The following RGS18 variants were observed in gnomAD, a reference collection of about 807,000 sequenced individuals.
RGS18 encodes the protein regulator of G protein signaling 18.
In RGS18, 22 loss-of-function variants were observed where a neutral mutation model predicts 27.6. The observed-to-expected ratio is 0.80, with a 90% CI of 0.57 to 1.14. RGS18 has a LOEUF of 1.14. Ranked by LOEUF, RGS18 falls within the 50% of genes most tolerant of loss-of-function variation. RGS18 has a pLI of 0.00. For missense variants in RGS18, 299 were observed against 269.6 expected (o/e 1.11, Z -0.76); for synonymous variants, 89 against 84.6 (o/e 1.05, Z -0.29).
rs149951237 is a variant in RGS18 at position 192,173,590 on chromosome 1, G to C, written c.284-7702G>C. Reference sequence around the variant, plus strand: ...TTGGTCCCAGGTATTTTTGGGCGGAGAGAAATGTTTTATTATAAAATCTAT... The same window carrying C: ...TTGGTCCCAGGTATTTTTGGGCGGACAGAAATGTTTTATTATAAAATCTAT... On this transcript the variant is annotated intron_variant, in intron 3 of 4. Coordinates refer to ENST00000367460, the MANE Select transcript of RGS18 (RefSeq NM_130782.3). 2.5e-3 allele frequency among the ~76,000 whole-genome samples: 375 copies of C among 151,944 alleles called. 3 individuals carry two copies. Among genetic ancestry groups the C allele is most frequent in the African/African-American group, 8.8e-3 (366 of 41,530 alleles).
chr1:192,183,586 A>G (rs906390912), intron 4 of RGS18, among the ~76,000 whole-genome samples: 1 of 151,618 alleles, frequency 6.6e-6, no homozygotes, highest in Non-Finnish European at 1.5e-5. Context: ...ATGAAATGCT[A>G]GTCAAGAATA....
intron 3 of RGS18, among the ~76,000 whole-genome samples, chr1:192,181,019 G>A (rs1256950043): frequency 4.0e-5 from 6 of 151,702 alleles, no homozygotes; most frequent in Middle Eastern, 3.4e-3. Context: ...GAGGTCCACC[G>A]TAGGGGGTCC....
At chr1:192,164,851 A>T (rs989193848) in intron 3 of RGS18, among the ~76,000 whole-genome samples, 6 of 152,144 alleles carry the variant, frequency 3.9e-5, no homozygotes, top group Non-Finnish European at 5.9e-5. Context: ...CTGAGGATGT[A>T]TGTTGCCTCA....
intron 1 of RGS18, 123 bp from the exon 2 acceptor site, chr1:192,159,097 T>C: frequency 1.6e-6 from 1 of 641,374 alleles, no homozygotes; most frequent in South Asian, 2.0e-5. Flanking sequence ...TTAAATGGGA[T>C]TCATGAGTGT....
intron 3 of RGS18, among the ~76,000 whole-genome samples, chr1:192,179,810 A>G (rs1171528236): frequency 6.6e-6 from 1 of 151,558 alleles, no homozygotes; most frequent in Non-Finnish European, 1.5e-5. Flanking sequence ...AAAAAATTAC[A>G]TGTGGGGAGA....
At chr1:192,177,708 T>C (rs1656380751) in intron 3 of RGS18, among the ~76,000 whole-genome samples, 1 of 151,732 alleles carries the variant, frequency 6.6e-6, no homozygotes, top group Admixed American at 6.6e-5. Flanking sequence ...ATGGGTTAGA[T>C]TAATAAAATT....
chr1:192,166,638 G>T lies in RGS18; in HGVS notation c.283+6199G>T, dbSNP rs1316108337. Among the ~76,000 whole-genome samples the T allele has an allele frequency of 5.9e-5, 9 of 152,088 alleles. No individual in the cohort carries two copies. The East Asian group carries it at 1.2e-3, about 20-fold the overall frequency. ...AATCAATGTGTATGTATGTTATTGA[G>T]TGAGAAGATGAAGGAATAGGAAACA... On this transcript the variant is annotated intron_variant, in intron 3 of 4. Coordinates refer to ENST00000367460, the MANE Select transcript of RGS18 (RefSeq NM_130782.3).
chr1:192,174,030 A>G (rs370333751), intron 3 of RGS18, among the ~76,000 whole-genome samples: 2 of 150,528 alleles, frequency 1.3e-5, no homozygotes, highest in South Asian at 2.1e-4. Flanking sequence ...TTTTTTTACT[A>G]GACCACCATT....
chr1:192,172,609 A>T (rs1185745546), intron 3 of RGS18, among the ~76,000 whole-genome samples: 1 of 151,622 alleles, frequency 6.6e-6, no homozygotes, highest in Non-Finnish European at 1.5e-5. Flanking sequence ...ATGACCATCT[A>T]CTTCATACTC....
At chr1:192,164,127 A>G (rs1656121306) in intron 3 of RGS18, among the ~76,000 whole-genome samples, 1 of 152,112 alleles carries the variant, frequency 6.6e-6, no homozygotes, top group African/African-American at 2.4e-5. Context: ...TTAATATTAG[A>G]ACCATCATAA....
In RGS18 at chr1:192,184,388, A is replaced by G. The variant is rs1399510218; in HGVS notation, c.542A>G (p.Tyr181Cys). The change falls in exon 5 of 5, where the codon TAT becomes TGT. Residue 181 changes from tyrosine (Y) to cysteine (C), a missense_variant. By Grantham distance (194) the Tyr-to-Cys change is radical. Coordinates refer to ENST00000367460, the MANE Select transcript of RGS18 (RefSeq NM_130782.3). ...TTTGATGCTGCACAAAGCAGAGTGT[A>G]TCAGCTCATGGAACAAGACAGTTAT... is the stretch of plus-strand genomic sequence containing the variant. ...HSFDAAQSRV[Y>C]QLMEQDSYTR... 3.1e-6 allele frequency: 5 copies of G among 1,611,914 alleles called. No homozygotes were observed. Among genetic ancestry groups the G allele is most frequent in the Non-Finnish European group, 4.2e-6 (5 of 1,178,630 alleles).
At chr1:192,179,335 C>T (rs1219453765) in intron 3 of RGS18, among the ~76,000 whole-genome samples, 1 of 151,536 alleles carries the variant, frequency 6.6e-6, no homozygotes, top group African/African-American at 2.4e-5. Flanking sequence ...AAATCCAACT[C>T]AAATGTGATT....
chr1:192,173,144 G>A (rs1656293284), intron 3 of RGS18, among the ~76,000 whole-genome samples: 1 of 151,320 alleles, frequency 6.6e-6, no homozygotes, highest in African/African-American at 2.4e-5. Flanking sequence ...TTTTATATTA[G>A]TAATAGTCAC....
chr1:192,180,630 T>G (rs1283710605), intron 3 of RGS18, among the ~76,000 whole-genome samples: 1 of 151,686 alleles, frequency 6.6e-6, no homozygotes, highest in Non-Finnish European at 1.5e-5. Flanking sequence ...ATGTTTGAAT[T>G]TAAAATTTTC....
intron 3 of RGS18, chr1:192,169,390 T>G (rs1358664927): frequency 2.0e-5 from 3 of 152,186 alleles, no homozygotes; most frequent in African/African-American, 7.2e-5. Flanking sequence ...AAAACATACT[T>G]TCTTTCCTCT....
chr1:192,184,771 TC>T lies in RGS18; in HGVS notation c.*218del, dbSNP rs1656517706. 2.3e-6 allele frequency: 1 copy of T among 439,194 alleles called. No homozygotes were observed. Among genetic ancestry groups the T allele is most frequent in the Admixed American group, 3.9e-5 (1 of 25,892 alleles). The allele number at this position is 439,194 out of a possible 1,614,324, so 27.2% of individuals were successfully genotyped here. On this transcript the variant is annotated 3_prime_UTR_variant, in exon 5 of 5. Transcript: ENST00000367460. Reference sequence around the variant, plus strand: ...CTATTTGATGTCATTCCATTTATAATCAGAAAAAAAACTTATTTCTTAATCA... The same window carrying T: ...CTATTTGATGTCATTCCATTTATAATAGAAAAAAAACTTATTTCTTAATCA...
chr1:192,179,881 A>G (rs1656421817), intron 3 of RGS18, among the ~76,000 whole-genome samples: 1 of 151,712 alleles, frequency 6.6e-6, no homozygotes, highest in African/African-American at 2.4e-5. Flanking sequence ...TATCTTGATT[A>G]TATTAATTAA....
rs1656533414 is a variant in RGS18 at position 192,185,520 on chromosome 1, A to C, written c.*966A>C. The stretch of plus-strand genomic sequence containing the variant: ...GCATCTGCCACATTGGTTCATATTC[A>C]GAAAGTGTTATCTCATTGATTATAT... On this transcript the variant is annotated 3_prime_UTR_variant, in exon 5 of 5. Coordinates refer to ENST00000367460, the MANE Select transcript of RGS18 (RefSeq NM_130782.3). 6.6e-6 allele frequency: 1 copy of C among 151,676 alleles called. No homozygotes were observed. The highest frequency in any genetic ancestry group is 2.1e-4 in the South Asian group (1 of 4,832). The allele number at this position is 151,676 out of a possible 1,614,324, so 9.4% of individuals were successfully genotyped here.
intron 3 of RGS18, among the ~76,000 whole-genome samples, chr1:192,160,860 T>G (rs1656056964): frequency 1.3e-5 from 2 of 152,208 alleles, no homozygotes; most frequent in South Asian, 4.1e-4. Context: ...TTTGTTTTTG[T>G]TTTTTGTTTT....
Sources: gnomAD v4.1 joint callset for allele counts (sites outside exome capture counted in the v4.1 genomes callset) on GRCh38, gnomAD v4.1.1 for gene constraint, MANE v1.5 for transcripts, NCBI Gene and HGNC (gene_info 2026-07-23, HGNC 2026-07-21) for gene names.